The following COL4A6 variants were observed in gnomAD, a reference collection of about 807,000 sequenced individuals.
COL4A6 encodes the protein collagen type IV alpha 6 chain, also known as collagen alpha-6(IV) chain.
A neutral mutation model predicts 126.7 loss-of-function variants in COL4A6; 59 were observed. The observed-to-expected ratio is 0.47, with a 90% CI of 0.38 to 0.58. COL4A6 has a LOEUF of 0.58. Among genes scored for constraint, COL4A6 ranks in the 20% least tolerant of loss-of-function variants. The pLI is 0.00. For synonymous variants in COL4A6, 547 were observed against 496.6 expected, an observed-to-expected ratio of 1.10 and a Z score of -1.35; for missense variants, 1,285 against 1,337.3, an observed-to-expected ratio of 0.96 and a Z score of 0.61.
At chrX:108,191,945 A>G (rs1251885334) in intron 18 of COL4A6, among the ~76,000 whole-genome samples, 1 of 112,015 alleles carries the variant, frequency 8.9e-6, no homozygotes, top group Non-Finnish European at 1.9e-5. Context: ...TGAACTTTAT[A>G]TCTGGGGCAT....
intron 3 of COL4A6, among the ~76,000 whole-genome samples, chrX:108,228,646 G>A (rs939182863): frequency 5.3e-5 from 6 of 112,213 alleles, no homozygotes; most frequent in Non-Finnish European, 7.5e-5. Flanking sequence ...TTCACATGGT[G>A]GCAGCAAAGA....
chrX:108,239,356 T>C (rs2036516915), intron 3 of COL4A6, among the ~76,000 whole-genome samples: 1 of 112,336 alleles, frequency 8.9e-6, no homozygotes, highest in Non-Finnish European at 1.9e-5. Flanking sequence ...GAGGTCACCT[T>C]TGTATGTGAT....
At chrX:108,245,563 T>C (rs965128233) in intron 3 of COL4A6, among the ~76,000 whole-genome samples, 3 of 111,884 alleles carry the variant, frequency 2.7e-5, no homozygotes. Context: ...ACTGAGACGA[T>C]GGAGGATTGC....
chrX:108,218,537 C>T (rs1160283004), intron 5 of COL4A6, among the ~76,000 whole-genome samples: 2 of 112,180 alleles, frequency 1.8e-5, no homozygotes, highest in South Asian at 7.5e-4. Flanking sequence ...TCATAAATTT[C>T]TACTACATCA....
chrX:108,362,463 C>G (rs772039517), intron 2 of COL4A6, among the ~76,000 whole-genome samples: 1 of 111,875 alleles, frequency 8.9e-6, no homozygotes, highest in Admixed American at 9.5e-5. Flanking sequence ...TAGTCCACTT[C>G]TTTTCAAGTG....
chrX:108,282,757 A>G (rs1183688204), intron 3 of COL4A6, among the ~76,000 whole-genome samples: 1 of 108,742 alleles, frequency 9.2e-6, no homozygotes, highest in Non-Finnish European at 1.9e-5. Context: ...CAAATGTCCA[A>G]CAATGATAGA....
At chrX:108,236,887 C>A (rs190250093) in intron 3 of COL4A6, among the ~76,000 whole-genome samples, 1 of 111,814 alleles carries the variant, frequency 8.9e-6, no homozygotes, top group Admixed American at 9.5e-5. Flanking sequence ...CCCTCCTTGG[C>A]TTTCACTGCA....
intron 14 of COL4A6, among the ~76,000 whole-genome samples, chrX:108,196,194 A>T (rs2035209816): frequency 9.0e-6 from 1 of 111,033 alleles, no homozygotes. Flanking sequence ...GCAAGGCAAC[A>T]CTTGCCTTGC....
At chrX:108,333,523 C>T (rs1054316880) in intron 2 of COL4A6, among the ~76,000 whole-genome samples, 3 of 110,754 alleles carry the variant, frequency 2.7e-5, no homozygotes, top group Non-Finnish European at 5.7e-5. Flanking sequence ...AGTTTGCCCA[C>T]TTTCACCACT....
At chrX:108,252,189 A>C (rs755911854) in intron 3 of COL4A6, among the ~76,000 whole-genome samples, 47 of 110,762 alleles carry the variant, frequency 4.2e-4, no homozygotes, top group Non-Finnish European at 8.9e-4. Flanking sequence ...TACTTCTACA[A>C]GATCAACTTA....
chrX:108,187,040 C>A (rs1320474836), intron 23 of COL4A6, 56 bp downstream of exon 23: 1 of 996,288 alleles, frequency 1.0e-6, no homozygotes, highest in Non-Finnish European at 1.3e-6. Context: ...TGAGTCATAA[C>A]CACTCTACAA....
chrX:108,401,196 G>C (rs1263673873), intron 2 of COL4A6, among the ~76,000 whole-genome samples: 1 of 110,628 alleles, frequency 9.0e-6, no homozygotes, highest in Non-Finnish European at 1.9e-5. Context: ...GTCATTTCTT[G>C]AGTCCTTAAA....
At position 108,389,270 on chromosome X, in the gene COL4A6, T is replaced by G. The variant is rs773906096; in HGVS notation, c.63+48672A>C. ...AGCTGAGTTCAAGTCCTGGATATCC[T>G]TGTTAATTTTCTGTCTTGTTGATCT... On this transcript the variant is annotated intron_variant, in intron 2 of 44. Transcript: ENST00000334504. Among the ~76,000 whole-genome samples, 7 of 111,632 alleles carry G rather than the reference T, an allele frequency of 6.3e-5. No homozygotes were observed. The East Asian group carries it at 2.0e-3, about 32-fold the overall frequency.
At chrX:108,160,910 A>G (rs2033910874) in intron 42 of COL4A6, among the ~76,000 whole-genome samples, 1 of 112,132 alleles carries the variant, frequency 8.9e-6, no homozygotes, top group Non-Finnish European at 1.9e-5. Flanking sequence ...CCCATTTTTC[A>G]AAGTACATTG....
intron 44 of COL4A6, among the ~76,000 whole-genome samples, chrX:108,158,911 A>T (rs547918331): frequency 3.6e-5 from 4 of 112,502 alleles, no homozygotes; most frequent in African/African-American, 1.3e-4. Flanking sequence ...TCTTTTTCTT[A>T]GCAAGACACA....
At chrX:108,264,553 C>T (rs1165731503) in intron 3 of COL4A6, among the ~76,000 whole-genome samples, 1 of 111,817 alleles carries the variant, frequency 8.9e-6, no homozygotes, top group African/African-American at 3.2e-5. Context: ...GTGCTACTTC[C>T]TGCTTTGGAG....
intron 2 of COL4A6, among the ~76,000 whole-genome samples, chrX:108,432,409 A>G (rs1251471582): frequency 8.9e-6 from 1 of 112,720 alleles, no homozygotes; most frequent in Non-Finnish European, 1.9e-5. Flanking sequence ...CTTTTAAATA[A>G]TTTTTAAAAT....
At chrX:108,237,821 C>G (rs1161759640) in intron 3 of COL4A6, among the ~76,000 whole-genome samples, 1 of 107,714 alleles carries the variant, frequency 9.3e-6, no homozygotes, top group Non-Finnish European at 1.9e-5. Context: ...TAACAACTAT[C>G]TCTCCCTTTC....
intron 3 of COL4A6, among the ~76,000 whole-genome samples, chrX:108,240,375 C>T (rs1029975339): frequency 9.8e-5 from 11 of 112,327 alleles, no homozygotes; most frequent in African/African-American, 3.2e-4. Context: ...TGATTCAGAT[C>T]TATTACATCT....
Sources: gnomAD v4.1 joint callset for allele counts (sites outside exome capture counted in the v4.1 genomes callset) on GRCh38, gnomAD v4.1.1 for gene constraint, MANE v1.5 for transcripts, NCBI Gene and HGNC (gene_info 2026-07-23, HGNC 2026-07-21) for gene names.